The following KIFBP variants were observed in gnomAD, a reference collection of about 807,000 sequenced individuals.
KIFBP encodes the protein kinesin family binding protein.
In KIFBP, 46 loss-of-function variants were observed where a neutral mutation model predicts 58.9. That is an observed-to-expected ratio of 0.78 (90% confidence interval 0.62 to 1.00). KIFBP has a LOEUF of 1.00. Ranked by LOEUF, KIFBP falls within the 50% of genes least tolerant of loss-of-function variation. KIFBP has a pLI of 0.00. For missense variants in KIFBP, 651 were observed against 752.9 expected, an observed-to-expected ratio of 0.86 and a Z score of 1.58; for synonymous variants, 241 against 283.4, an observed-to-expected ratio of 0.85 and a Z score of 1.50.
chr10:68,997,597 C>G (rs1318501912), intron 1 of KIFBP, among the ~76,000 whole-genome samples: 1 of 151,756 alleles, frequency 6.6e-6, no homozygotes, highest in African/African-American at 2.4e-5. Context: ...TATAAAGTAT[C>G]TAGTCTCAGG....
chr10:68,989,136 G>C lies in KIFBP; in HGVS notation c.304G>C (p.Gly102Arg). ...GCTGGCAGTCATCGAGTTCCACCTC[G>C]GGGTGAACCACATCGACACGGAGGA... ...VRLAVIEFHL[G>R]VNHIDTEELS... Residue 102 changes from glycine to arginine, a missense_variant, in exon 1 of 7, where the codon GGG becomes CGG. Coordinates refer to ENST00000361983, the MANE Select transcript of KIFBP (RefSeq NM_015634.4). 2 of 1,612,028 alleles carry C rather than the reference G, an allele frequency of 1.2e-6. No homozygotes were observed. The highest frequency in any genetic ancestry group is 8.5e-7 in the Non-Finnish European group (1 of 1,178,648).
Position 68,988,824 on chromosome 10 carries a change from G to C in KIFBP, c.-9G>C. 6.2e-7 allele frequency: 1 copy of C among 1,614,266 alleles called. No homozygotes were observed. Among genetic ancestry groups the C allele is most frequent in the Non-Finnish European group, 8.5e-7 (1 of 1,180,054 alleles). ...AAACATTGAGGAAAGCCAGGCAGTA[G>C]AGGCCGCTATGGCGAACGTTCCGTG... On this transcript the variant is annotated 5_prime_UTR_variant, in exon 1 of 7. Transcript: ENST00000361983.
chr10:69,008,391 A>AAAAAAATATAT, intron 4 of KIFBP, among the ~76,000 whole-genome samples: 11 of 71,580 alleles, frequency 1.5e-4, no homozygotes, highest in African/African-American at 2.3e-4. Flanking sequence ...AAAAAAAAAA[A>AAAAAAATATAT]ATATATATAT....
At chr10:69,005,182 A>AC in intron 3 of KIFBP, 57 bp downstream of exon 3, 1 of 1,277,376 alleles carries the variant, frequency 7.8e-7, no homozygotes, top group Non-Finnish European at 1.1e-6. Flanking sequence ...TAGATTAGTG[A>AC]TTGTTCAAAA....
rs762016507 is a variant in KIFBP at position 68,988,803 on chromosome 10, A to C, written c.-30A>C. Reference sequence around the variant, plus strand: ...GAAGGCGGGAGTCCCGACTGCAAACATTGAGGAAAGCCAGGCAGTAGAGGC... The same window carrying C: ...GAAGGCGGGAGTCCCGACTGCAAACCTTGAGGAAAGCCAGGCAGTAGAGGC... On this transcript the variant is annotated 5_prime_UTR_variant, in exon 1 of 7. Transcript: ENST00000361983. 1.9e-6 allele frequency: 3 copies of C among 1,614,226 alleles called. No individual in the cohort carries two copies. The highest frequency in any genetic ancestry group is 2.5e-6 in the Non-Finnish European group (3 of 1,180,024).
Position 69,016,587 on chromosome 10 carries a change from A to G in KIFBP, c.*171A>G. On this transcript the variant is annotated 3_prime_UTR_variant, in exon 7 of 7. Coordinates refer to ENST00000361983, the MANE Select transcript of KIFBP (RefSeq NM_015634.4). ...GATCCTAAGGAACATAAAGTTAATTAAAAACTTACACCTAATTATGTAAAT... is the reference window on the plus strand; with the variant it reads ...GATCCTAAGGAACATAAAGTTAATTGAAAACTTACACCTAATTATGTAAAT... 1 of 620,978 alleles carries G rather than the reference A, an allele frequency of 1.6e-6. No individual in the cohort carries two copies. Among genetic ancestry groups the G allele is most frequent in the Non-Finnish European group, 2.8e-6 (1 of 362,152 alleles). The allele number at this position is 620,978 out of a possible 1,614,324, so 38.5% of individuals were successfully genotyped here.
Position 69,016,148 on chromosome 10 carries a change from A to C in KIFBP, c.1598A>C (p.Glu533Ala), listed in dbSNP as rs1564639691. 6.8e-6 allele frequency: 11 copies of C among 1,614,190 alleles called. No homozygotes were observed. Among genetic ancestry groups the C allele is most frequent in the Non-Finnish European group, 8.5e-6 (10 of 1,180,036 alleles). Reference sequence around the variant, plus strand: ...AGAGACCCAAATAAAGTATTCCCTGAGCATATAGGGGAAGATGTTCTTCGC... The same window carrying C: ...AGAGACCCAAATAAAGTATTCCCTGCGCATATAGGGGAAGATGTTCTTCGC... ...SLRDPNKVFP[E>A]HIGEDVLRPA... Residue 533 changes from glutamate (E) to alanine (A), a missense_variant, in exon 7 of 7, where the codon GAG becomes GCG. By Grantham distance (107) the Glu-to-Ala change is moderately radical (BLOSUM62 -1). Transcript: ENST00000361983.
At chr10:69,011,228 C>T (rs1212308401) in intron 6 of KIFBP, 2 of 517,550 alleles carry the variant, frequency 3.9e-6, no homozygotes, top group Non-Finnish European at 7.0e-6. Context: ...GATTGGACCA[C>T]TGCACTCCAG....
At chr10:69,005,607 C>T (rs1017251227) in intron 3 of KIFBP, 125 bp from the exon 4 acceptor site, 14 of 705,212 alleles carry the variant, frequency 2.0e-5, no homozygotes, top group Admixed American at 4.9e-5. Context: ...ACCCAGGAGG[C>T]GGAGGCAGTG....
chr10:68,999,261 C>G (rs1843438647), intron 1 of KIFBP, among the ~76,000 whole-genome samples: 2 of 148,976 alleles, frequency 1.3e-5, no homozygotes, highest in South Asian at 4.2e-4. Context: ...CCACTCCTGG[C>G]TAATTTTTAT....
intron 1 of KIFBP, among the ~76,000 whole-genome samples, chr10:68,998,045 C>A (rs1026148680): frequency 2.6e-5 from 4 of 152,064 alleles, no homozygotes; most frequent in African/African-American, 9.7e-5. Flanking sequence ...AATTAAACTT[C>A]TTTTCTTTAT....
rs1843310461 is a variant in KIFBP, at chr10:68,989,056, G to C, written c.224G>C (p.Gly75Ala). 6.2e-7 allele frequency: 1 copy of C among 1,612,742 alleles called. No individual in the cohort carries two copies. The highest frequency in any genetic ancestry group is 8.5e-7 in the Non-Finnish European group (1 of 1,179,158). ...DGPGAGDHAL[G>A]LPAEVVEPEG... The stretch of plus-strand genomic sequence containing the variant: ...CCGGGTGCCGGTGACCACGCCCTGG[G>C]GCTGCCGGCTGAGGTGGTGGAGCCC... Residue 75 changes from glycine (G) to alanine (A), a missense_variant, in exon 1 of 7, where the codon GGG (glycine) becomes GCG (alanine). Gly to Ala is a moderately conservative substitution (Grantham distance 60). Transcript: ENST00000361983.
At chr10:69,015,027 A>G (rs1838977153) in intron 6 of KIFBP, among the ~76,000 whole-genome samples, 1 of 152,030 alleles carries the variant, frequency 6.6e-6, no homozygotes, top group African/African-American at 2.4e-5. Flanking sequence ...GGTTCAAGCG[A>G]TTCTCCTGCC....
intron 1 of KIFBP, 28 bp downstream of exon 1, chr10:68,989,286 C>A (rs752219178): frequency 6.2e-7 from 1 of 1,609,674 alleles, no homozygotes; most frequent in East Asian, 2.2e-5. Flanking sequence ...CAGGCCGGCC[C>A]CTGTTGGCAA....
Position 69,008,925 on chromosome 10 carries a change from A to C in KIFBP, c.874A>C (p.Thr292Pro), listed in dbSNP as rs201438642. 1.9e-6 allele frequency: 3 copies of C among 1,609,572 alleles called. No homozygotes were observed. In the South Asian group the frequency reaches 3.3e-5, roughly 18 times the overall value. ...QTGKISATED[T>P]PEAEGEVPEL... ...TGGAAAGATCTCAGCCACAGAAGAC[A>C]GTAAGTTTACCTTTGCATGTTTTAC... The change falls in exon 5 of 7, where the codon ACT (threonine) becomes CCT (proline). Residue 292 changes from threonine (T) to proline (P), a missense_variant and splice_region_variant. By Grantham distance (38) the Thr-to-Pro change is conservative. Coordinates refer to ENST00000361983, the MANE Select transcript of KIFBP (RefSeq NM_015634.4).
intron 2 of KIFBP, among the ~76,000 whole-genome samples, chr10:69,003,727 T>C (rs1843497247): frequency 1.3e-5 from 2 of 152,354 alleles, no homozygotes; most frequent in South Asian, 4.1e-4. Flanking sequence ...TTAATGTCCC[T>C]GTATTGAAAG....
chr10:69,011,098 G>A (rs1843584995), intron 6 of KIFBP, 83 bp downstream of exon 6: 2 of 881,220 alleles, frequency 2.3e-6, no homozygotes, highest in Admixed American at 1.8e-5. Flanking sequence ...GTGCTCATTG[G>A]GGTCACATTG....
At chr10:69,003,219 G>A (rs1843490984) in intron 2 of KIFBP, among the ~76,000 whole-genome samples, 1 of 152,144 alleles carries the variant, frequency 6.6e-6, no homozygotes, top group Non-Finnish European at 1.5e-5. Context: ...AGCCATAACA[G>A]TGAAGTATGT....
chr10:68,994,873 C>T (rs886068636), intron 1 of KIFBP, among the ~76,000 whole-genome samples: 2 of 151,614 alleles, frequency 1.3e-5, no homozygotes, highest in Non-Finnish European at 2.9e-5. Context: ...CTTTTCCTCC[C>T]TTCTGCTTGC....
Sources: gnomAD v4.1 joint callset for allele counts (sites outside exome capture counted in the v4.1 genomes callset) on GRCh38, gnomAD v4.1.1 for gene constraint, MANE v1.5 for transcripts, NCBI Gene and HGNC (gene_info 2026-07-23, HGNC 2026-07-21) for gene names.